Variants in TENM2 observed in about 807,000 individuals in gnomAD.
TENM2 encodes the protein teneurin transmembrane protein 2, also known as teneurin-2.
Under a neutral mutation model 245.2 loss-of-function variants are expected in TENM2, and 52 were observed. That is an observed-to-expected ratio of 0.21 (90% confidence interval 0.17 to 0.27). TENM2 has a LOEUF of 0.27. Ranked by LOEUF, TENM2 falls within the 10% of genes least tolerant of loss-of-function variation. TENM2 has a pLI of 1.00. For missense variants in TENM2, 3,046 were observed against 3,666.8 expected, an observed-to-expected ratio of 0.83 and a Z score of 4.37; for synonymous variants, 1,363 against 1,438.9, an observed-to-expected ratio of 0.95 and a Z score of 1.19.
the TENM2 span, among the ~76,000 whole-genome samples, chr5:167,156,235 T>A: frequency 6.6e-6 from 1 of 152,174 alleles, no homozygotes; most frequent in Non-Finnish European, 1.5e-5. Flanking sequence ...TTTGGTAGGG[T>A]GCACAACTAT....
At chr5:167,071,007 C>G in the TENM2 span, among the ~76,000 whole-genome samples, 2 of 152,026 alleles carry the variant, frequency 1.3e-5, no homozygotes, top group Non-Finnish European at 2.9e-5. Context: ...AGTGTCTGAC[C>G]GTACTACAGG....
chr5:167,377,855 A>G (rs1367765104), intron 2 of TENM2, among the ~76,000 whole-genome samples: 1 of 152,140 alleles, frequency 6.6e-6, no homozygotes, highest in Non-Finnish European at 1.5e-5. Context: ...TTAATTTCTC[A>G]CACTTGTACC....
chr5:167,562,727 C>T (rs1429633238), intron 2 of TENM2, among the ~76,000 whole-genome samples: 6 of 152,002 alleles, frequency 3.9e-5, no homozygotes, highest in South Asian at 2.1e-4. Context: ...GAGGCTGAGG[C>T]GGGTGGATCA....
chr5:167,556,424 A>ATATAT (rs1299956488), intron 2 of TENM2, among the ~76,000 whole-genome samples: 3 of 149,002 alleles, frequency 2.0e-5, no homozygotes, highest in Non-Finnish European at 4.4e-5. Context: ...ATACTTACAT[A>ATATAT]TATATATATA....
intron 19 of TENM2, among the ~76,000 whole-genome samples, chr5:168,211,489 A>G (rs532964023): frequency 6.6e-6 from 1 of 152,220 alleles, no homozygotes; most frequent in Non-Finnish European, 1.5e-5. Context: ...GTCTTGTGAC[A>G]GCCACATTGC....
At chr5:167,435,830 G>A (rs1054968199) in intron 2 of TENM2, among the ~76,000 whole-genome samples, 4 of 152,104 alleles carry the variant, frequency 2.6e-5, no homozygotes, top group Admixed American at 6.6e-5. Context: ...GAACTTGTTG[G>A]GAAGTGGAGC....
intron 2 of TENM2, among the ~76,000 whole-genome samples, chr5:167,434,170 C>T (rs1764404728): frequency 6.6e-6 from 1 of 151,774 alleles, no homozygotes; most frequent in Non-Finnish European, 1.5e-5. Flanking sequence ...GCCTGTAATA[C>T]CAGCACTTTG....
intron 2 of TENM2, among the ~76,000 whole-genome samples, chr5:167,670,847 T>A (rs1039051475): frequency 6.6e-6 from 1 of 152,190 alleles, no homozygotes; most frequent in East Asian, 1.9e-4. Flanking sequence ...TTGCCATTTT[T>A]CCTTCCCCAT....
chr5:168,203,532 A>G (rs1762099117), intron 17 of TENM2, among the ~76,000 whole-genome samples, 157 bp from the exon 20 acceptor site: 2 of 152,238 alleles, frequency 1.3e-5, no homozygotes, highest in Non-Finnish European at 2.9e-5. Flanking sequence ...GTAGCATCAC[A>G]AGGAGAAAAG....
intron 25 of TENM2, among the ~76,000 whole-genome samples, chr5:168,243,955 TTTA>T (rs1393618199): frequency 6.7e-6 from 1 of 149,930 alleles, no homozygotes. Context: ...TTTTTTTTTT[TTTA>T]AGATAGAGTC....
chr5:167,490,068 A>G (rs1768329856), intron 2 of TENM2, among the ~76,000 whole-genome samples: 1 of 152,154 alleles, frequency 6.6e-6, no homozygotes, highest in Admixed American at 6.5e-5. Flanking sequence ...CAAGAGGTAA[A>G]TTTGAACCAA....
chr5:167,725,242 G>A (rs533061675), intron 2 of TENM2, among the ~76,000 whole-genome samples: 42 of 152,112 alleles, frequency 2.8e-4, no homozygotes, highest in African/African-American at 8.2e-4. Flanking sequence ...ATGATATGGT[G>A]TAAAATGAAT....
In TENM2 at chr5:167,755,470, A is replaced by C. The variant is rs551314930; in HGVS notation, c.503-120516A>C. On this transcript the variant is annotated intron_variant, in intron 2 of 28. Coordinates refer to ENST00000518659, the Ensembl canonical transcript of TENM2. ...AGGTATTTCACCAGAAAAAAAAAAT[A>C]TGTGAAAATAAATATAAATATAAAA... Among the ~76,000 whole-genome samples the C allele has an allele frequency of 2.7e-5, 4 of 146,302 alleles. No individual in the cohort carries two copies. The Middle Eastern group carries it at 0.011, about 386-fold the overall frequency.
chr5:167,599,340 G>C (rs1035971450), intron 2 of TENM2, among the ~76,000 whole-genome samples: 8 of 152,060 alleles, frequency 5.3e-5, no homozygotes, highest in African/African-American at 1.9e-4. Flanking sequence ...TTGCAGATGG[G>C]CATTTTAATT....
At chr5:167,467,055 T>C (rs1766705260) in intron 2 of TENM2, among the ~76,000 whole-genome samples, 1 of 152,184 alleles carries the variant, frequency 6.6e-6, no homozygotes, top group Non-Finnish European at 1.5e-5. Context: ...ACTTGGTCCT[T>C]AAAGCTAGAC....
chr5:167,285,712 G>A (rs1771304857), intron 1 of TENM2, among the ~76,000 whole-genome samples: 1 of 152,238 alleles, frequency 6.6e-6, no homozygotes, highest in Non-Finnish European at 1.5e-5. Context: ...AGTGCTGAGA[G>A]GTGGTGTGAC....
intron 2 of TENM2, among the ~76,000 whole-genome samples, chr5:167,766,836 GC>G (rs1373517934): frequency 6.6e-6 from 1 of 152,024 alleles, no homozygotes; most frequent in African/African-American, 2.4e-5. Context: ...CCAAGATCGT[GC>G]CACTACACTC....
intron 2 of TENM2, among the ~76,000 whole-genome samples, chr5:167,848,128 A>G (rs1187688676): frequency 1.3e-5 from 2 of 152,206 alleles, no homozygotes; most frequent in African/African-American, 4.8e-5. Context: ...ATCATTAGGA[A>G]CATGTAGAGA....
At chr5:167,270,615 T>G in the TENM2 span, among the ~76,000 whole-genome samples, 1 of 152,118 alleles carries the variant, frequency 6.6e-6, no homozygotes, top group Non-Finnish European at 1.5e-5. Flanking sequence ...TTACCCTTGA[T>G]GTAGATGGTC....
Sources: gnomAD v4.1 joint callset for allele counts (sites outside exome capture counted in the v4.1 genomes callset) on GRCh38, gnomAD v4.1.1 for gene constraint, MANE v1.5 for transcripts, NCBI Gene and HGNC (gene_info 2026-07-23, HGNC 2026-07-21) for gene names.